GALNT17: variants seen among roughly 807,000 people sequenced by gnomAD.
GALNT17 encodes the protein UDP-GalNAc:polypeptide N-acetylgalactosaminyltransferase-like 3.
In GALNT17, 29 loss-of-function variants were observed where a neutral mutation model predicts 63.7. The ratio of observed to expected loss-of-function variants is 0.46; its 90% CI spans 0.34 to 0.62. GALNT17 has a LOEUF of 0.62. GALNT17 is among the 20% of genes least tolerant of loss of function. The pLI is 0.01. For missense variants in GALNT17, 603 were observed against 799.6 expected (o/e 0.75, Z 2.97); for synonymous variants, 305 against 318.3 (o/e 0.96, Z 0.45).
chr7:71,431,209 C>CTTTTTTTT (rs1265130879), intron 5 of GALNT17, among the ~76,000 whole-genome samples: 5 of 115,110 alleles, frequency 4.3e-5, no homozygotes, highest in African/African-American at 7.5e-5. Context: ...CTTTTCTTTT[C>CTTTTTTTT]TTTTTTTTTT....
chr7:71,464,842 A>G (rs1462573702), intron 5 of GALNT17, among the ~76,000 whole-genome samples: 1 of 150,014 alleles, frequency 6.7e-6, no homozygotes, highest in Non-Finnish European at 1.5e-5. Context: ...CTCAATACAC[A>G]TTAGTTCCAG....
intron 1 of GALNT17, among the ~76,000 whole-genome samples, chr7:71,158,334 A>C (rs557141855): frequency 6.6e-6 from 1 of 151,260 alleles, no homozygotes; most frequent in Admixed American, 6.6e-5. Context: ...TTGTAGTGTC[A>C]CTGGCTGTGC....
At chr7:71,214,579 CT>C (rs11442081) in intron 1 of GALNT17, among the ~76,000 whole-genome samples, 204 of 137,988 alleles carry the variant, frequency 1.5e-3, no homozygotes, top group Admixed American at 1.8e-3. Flanking sequence ...CTTGATTTGG[CT>C]TTTTTTTTTT....
At chr7:71,584,999 T>A (rs998297776) in intron 6 of GALNT17, among the ~76,000 whole-genome samples, 29 of 152,266 alleles carry the variant, frequency 1.9e-4, no homozygotes, top group African/African-American at 6.0e-4. Flanking sequence ...AGAAACCAAG[T>A]CATTTGTCCT....
intron 5 of GALNT17, among the ~76,000 whole-genome samples, chr7:71,568,264 G>T (rs1316135303): frequency 2.0e-5 from 3 of 152,170 alleles, no homozygotes; most frequent in Non-Finnish European, 4.4e-5. Context: ...CTCAGGGCAG[G>T]TCACCTAATC....
chr7:71,610,318 C>G (rs1204826963), intron 6 of GALNT17, among the ~76,000 whole-genome samples: 1 of 151,946 alleles, frequency 6.6e-6, no homozygotes, highest in African/African-American at 2.4e-5. Context: ...TAGCAAGACT[C>G]TATCTCTTTA....
intron 1 of GALNT17, among the ~76,000 whole-genome samples, chr7:71,286,762 T>TC (rs1790881554): frequency 6.9e-6 from 1 of 145,230 alleles, no homozygotes; most frequent in Non-Finnish European, 1.5e-5. Flanking sequence ...TTTTTTTTTT[T>TC]CTTTTTTTGT....
intron 9 of GALNT17, among the ~76,000 whole-genome samples, chr7:71,695,424 T>C (rs552218147): frequency 2.0e-5 from 3 of 152,316 alleles, no homozygotes; most frequent in East Asian, 1.9e-4. Flanking sequence ...GGAAGGGCCC[T>C]TGGGACCATC....
chr7:71,132,848 A>G lies in GALNT17; in HGVS notation c.46A>G (p.Ile16Val). ...RVKVLLVLNL[I>V]AVAGFVLFLA... is the part of the protein sequence containing the mutation. Reference sequence around the variant, plus strand: ...CAAAGTGCTGTTGGTGTTGAACTTGATCGCGGTAGCCGGCTTCGTGCTCTT... The same window carrying G: ...CAAAGTGCTGTTGGTGTTGAACTTGGTCGCGGTAGCCGGCTTCGTGCTCTT... The change falls in exon 1 of 11, where the codon ATC becomes GTC. Residue 16 changes from isoleucine (I) to valine (V), a missense_variant. Ile to Val is a conservative substitution (Grantham distance 29). Transcript: ENST00000333538. 6.2e-7 allele frequency: 1 copy of G among 1,612,552 alleles called. No homozygotes were observed. The highest frequency in any genetic ancestry group is 8.5e-7 in the Non-Finnish European group (1 of 1,179,260).
At chr7:71,379,834 G>A (rs1215741771) in intron 2 of GALNT17, among the ~76,000 whole-genome samples, 2 of 152,070 alleles carry the variant, frequency 1.3e-5, no homozygotes, top group Admixed American at 6.6e-5. Context: ...GAGTTGCCAG[G>A]GTACTTGGAG....
chr7:71,560,669 GAGAA>G (rs1801165721), intron 5 of GALNT17, among the ~76,000 whole-genome samples: 1 of 152,184 alleles, frequency 6.6e-6, no homozygotes, highest in South Asian at 2.1e-4. Flanking sequence ...GCACCGTCAT[GAGAA>G]AGTTCACTTG....
chr7:71,315,941 C>G (rs2115969425), intron 1 of GALNT17, among the ~76,000 whole-genome samples: 1 of 152,254 alleles, frequency 6.6e-6, no homozygotes, highest in Non-Finnish European at 1.5e-5. Context: ...CACGTACCTG[C>G]AGCCTCCAGA....
chr7:71,293,987 G>A (rs993608640), intron 1 of GALNT17, among the ~76,000 whole-genome samples: 2 of 151,970 alleles, frequency 1.3e-5, no homozygotes, highest in East Asian at 1.9e-4. Context: ...GTAAAACCCC[G>A]TCTCTACTAA....
At chr7:71,288,215 C>CAAAAAAAAAAAAAAAAAAAAAAAAA in intron 1 of GALNT17, among the ~76,000 whole-genome samples, 1 of 83,842 alleles carries the variant, frequency 1.2e-5, no homozygotes, top group Non-Finnish European at 2.1e-5. Context: ...GACTCCATCT[C>CAAAAAAAAAAAAAAAAAAAAAAAAA]AAAAAAAAAA....
At chr7:71,394,169 G>T (rs1278417006) in intron 3 of GALNT17, among the ~76,000 whole-genome samples, 1 of 152,142 alleles carries the variant, frequency 6.6e-6, no homozygotes, top group Non-Finnish European at 1.5e-5. Flanking sequence ...GGTTTCAGAA[G>T]CTTCCACTCA....
At chr7:71,165,710 C>T (rs533405997) in intron 1 of GALNT17, among the ~76,000 whole-genome samples, 1 of 152,150 alleles carries the variant, frequency 6.6e-6, no homozygotes, top group Admixed American at 6.5e-5. Context: ...ACCCTTAAAA[C>T]GATTTTCCTT....
chr7:71,546,276 T>C (rs1788983726), intron 5 of GALNT17, among the ~76,000 whole-genome samples: 2 of 151,638 alleles, frequency 1.3e-5, no homozygotes, highest in South Asian at 4.2e-4. Context: ...TGCTCCCATC[T>C]CAGCCTCCTG....
At chr7:71,231,052 G>A (rs1789779197) in intron 1 of GALNT17, among the ~76,000 whole-genome samples, 1 of 152,052 alleles carries the variant, frequency 6.6e-6, no homozygotes. Context: ...ACTATCTCTG[G>A]GGAGGGAAGG....
intron 6 of GALNT17, among the ~76,000 whole-genome samples, chr7:71,610,169 C>T (rs1038302506): frequency 3.3e-5 from 5 of 152,020 alleles, no homozygotes; most frequent in Non-Finnish European, 7.4e-5. Flanking sequence ...AAAAAGACCC[C>T]TGATGGAAAG....
Sources: allele counts gnomAD v4.1 joint callset (sites outside exome capture counted in the v4.1 genomes callset), GRCh38; gene constraint gnomAD v4.1.1; transcripts MANE v1.5; gene names NCBI Gene and HGNC (gene_info 2026-07-23, HGNC 2026-07-21).